The following PRKCE variants were observed in gnomAD, a reference collection of about 807,000 sequenced individuals.
PRKCE encodes protein kinase C epsilon type.
Under a neutral mutation model 85.4 loss-of-function variants are expected in PRKCE, and 16 were observed. The observed-to-expected ratio is 0.19, with a 90% CI of 0.13 to 0.28. The LOEUF (loss-of-function observed/expected upper bound fraction) is 0.28, where lower values mean the gene tolerates loss of function less well. Ranked by LOEUF, PRKCE falls within the 10% of genes least tolerant of loss-of-function variation. The probability of loss-of-function intolerance (pLI) is 1.00; values close to 1 mark genes in which losing one functional copy is unlikely to be tolerated. For synonymous variants in PRKCE, 388 were observed against 371.5 expected, an observed-to-expected ratio of 1.04 and a Z score of -0.51; for missense variants, 573 against 975.2, an observed-to-expected ratio of 0.59 and a Z score of 5.49.
At chr2:46,114,265 C>T (rs1672540250) in intron 11 of PRKCE, among the ~76,000 whole-genome samples, 1 of 152,140 alleles carries the variant, frequency 6.6e-6, no homozygotes, top group Non-Finnish European at 1.5e-5. Flanking sequence ...CATGAGAGGA[C>T]ATTTCTGTGC....
intron 13 of PRKCE, among the ~76,000 whole-genome samples, chr2:46,157,533 A>C (rs1478125681): frequency 6.6e-6 from 1 of 152,202 alleles, no homozygotes; most frequent in Non-Finnish European, 1.5e-5. Context: ...CCTGCAAAGA[A>C]GTATCCAGTC....
intron 10 of PRKCE, among the ~76,000 whole-genome samples, chr2:46,055,427 A>G (rs1379268246): frequency 6.6e-6 from 1 of 152,238 alleles, no homozygotes; most frequent in Non-Finnish European, 1.5e-5. Context: ...GTTCCCTCCC[A>G]TGAAGGGGTC....
intron 11 of PRKCE, among the ~76,000 whole-genome samples, chr2:46,099,122 G>T (rs773340291): frequency 6.6e-6 from 1 of 152,052 alleles, no homozygotes; most frequent in African/African-American, 2.4e-5. Flanking sequence ...GGTAAGCAAG[G>T]AGCTGGGTTG....
At position 45,857,991 on chromosome 2, in the gene PRKCE, G is replaced by A. The variant is rs1170657349; in HGVS notation, c.412+14928G>A. 2.6e-5 allele frequency among the ~76,000 whole-genome samples: 4 copies of A among 152,326 alleles called. No individual in the cohort carries two copies. In the East Asian group the frequency reaches 5.8e-4, roughly 22 times the overall value. On this transcript the variant is annotated intron_variant, in intron 2 of 14. Transcript: ENST00000306156. ...AGAAAGCATCCTGTGACACGTGACC[G>A]CCAGCTGACGGCTGAGCGTCCACGT...
chr2:45,754,444 G>A (rs1026121821), intron 1 of PRKCE, among the ~76,000 whole-genome samples: 3 of 152,164 alleles, frequency 2.0e-5, no homozygotes, highest in African/African-American at 7.2e-5. Flanking sequence ...TTTGGGGTAT[G>A]CACTTTATTT....
chr2:45,955,823 A>G (rs1325146253), intron 2 of PRKCE, among the ~76,000 whole-genome samples: 1 of 152,182 alleles, frequency 6.6e-6, no homozygotes, highest in African/African-American at 2.4e-5. Context: ...TGTCATTTAC[A>G]TACAGTAAAC....
At chr2:46,007,894 T>C (rs1387939239) in intron 9 of PRKCE, among the ~76,000 whole-genome samples, 1 of 152,262 alleles carries the variant, frequency 6.6e-6, no homozygotes, top group East Asian at 1.9e-4. Flanking sequence ...ATTCAATTTT[T>C]CTCATTTGTT....
chr2:45,826,321 C>T (rs960069309), intron 1 of PRKCE, among the ~76,000 whole-genome samples: 2 of 152,182 alleles, frequency 1.3e-5, no homozygotes, highest in African/African-American at 4.8e-5. Context: ...CTGTATGTTA[C>T]ATGACATTCC....
At chr2:45,861,789 G>A (rs776126211) in intron 2 of PRKCE, among the ~76,000 whole-genome samples, 91 of 152,180 alleles carry the variant, frequency 6.0e-4, no homozygotes, top group African/African-American at 1.9e-3. Context: ...TGAAGGCAAG[G>A]TAAATGTTTA....
chr2:46,048,032 C>T (rs1708631652), intron 10 of PRKCE, among the ~76,000 whole-genome samples: 1 of 152,122 alleles, frequency 6.6e-6, no homozygotes, highest in Non-Finnish European at 1.5e-5. Context: ...AGTTATCAAA[C>T]CAGTGTATTT....
chr2:46,069,129 A>G (rs779842868), intron 10 of PRKCE, among the ~76,000 whole-genome samples: 3 of 152,218 alleles, frequency 2.0e-5, no homozygotes, highest in Admixed American at 6.5e-5. Context: ...AGAATCATTG[A>G]AGATGCTTTG....
At chr2:46,142,985 A>T (rs1293652294) in intron 11 of PRKCE, among the ~76,000 whole-genome samples, 1 of 152,192 alleles carries the variant, frequency 6.6e-6, no homozygotes, top group East Asian at 1.9e-4. Context: ...CTGGCATTGG[A>T]GGAAGTCAAC....
intron 11 of PRKCE, among the ~76,000 whole-genome samples, chr2:46,133,227 C>T (rs1674638026): frequency 6.6e-6 from 1 of 152,312 alleles, no homozygotes; most frequent in South Asian, 2.1e-4. Flanking sequence ...TACTCTTGGT[C>T]CTTTAGCTGG....
At chr2:45,922,538 A>T (rs956490542) in intron 2 of PRKCE, among the ~76,000 whole-genome samples, 3 of 152,026 alleles carry the variant, frequency 2.0e-5, no homozygotes, top group Admixed American at 1.3e-4. Context: ...TAACTTTTGG[A>T]TGACCCGCCA....
intron 8 of PRKCE, among the ~76,000 whole-genome samples, chr2:46,006,932 A>T (rs1381626490): frequency 6.6e-6 from 1 of 152,264 alleles, no homozygotes; most frequent in East Asian, 1.9e-4. Context: ...AAACCCGGCA[A>T]CAAGGCTGAG....
intron 1 of PRKCE, among the ~76,000 whole-genome samples, chr2:45,740,460 T>G (rs987205845): frequency 6.6e-6 from 1 of 151,864 alleles, no homozygotes; most frequent in African/African-American, 2.4e-5. Flanking sequence ...TCAGCATTGT[T>G]TCTCCTTTAT....
intron 1 of PRKCE, among the ~76,000 whole-genome samples, chr2:45,710,943 G>A (rs955685062): frequency 1.6e-4 from 25 of 152,174 alleles, no homozygotes; most frequent in African/African-American, 5.5e-4. Context: ...GCTTAACATG[G>A]GGTGGGAAAA....
At chr2:46,047,252 T>A (rs1389937916) in intron 10 of PRKCE, among the ~76,000 whole-genome samples, 2 of 152,014 alleles carry the variant, frequency 1.3e-5, no homozygotes, top group Admixed American at 6.6e-5. Flanking sequence ...CTTGCTAAAC[T>A]CATTAGAAAA....
At chr2:46,025,709 C>A (rs184459870) in intron 10 of PRKCE, among the ~76,000 whole-genome samples, 166 of 152,334 alleles carry the variant, frequency 1.1e-3, no homozygotes, top group South Asian at 2.3e-3. Flanking sequence ...CCACCTACCC[C>A]ACAGGAGCAC....
Sources: gnomAD v4.1 joint callset for allele counts (sites outside exome capture counted in the v4.1 genomes callset) on GRCh38, gnomAD v4.1.1 for gene constraint, MANE v1.5 for transcripts, NCBI Gene and HGNC (gene_info 2026-07-23, HGNC 2026-07-21) for gene names.